The following INPP4A variants were observed in gnomAD, a reference collection of about 807,000 sequenced individuals.
The protein encoded by INPP4A is inositol polyphosphate-4-phosphatase, type I, 107kD.
In INPP4A, 33 loss-of-function variants were observed where a neutral mutation model predicts 119.8. The observed-to-expected ratio is 0.28, with a 90% CI of 0.21 to 0.37. INPP4A has a LOEUF of 0.37. Among genes scored for constraint, INPP4A ranks in the 10% least tolerant of loss-of-function variants. The pLI is 1.00. For missense variants in INPP4A, 956 were observed against 1,289.9 expected (o/e 0.74, Z 3.97); for synonymous variants, 496 against 500.7 (o/e 0.99, Z 0.12).
At chr2:98,504,966 A>G (rs757698283) in intron 1 of INPP4A, among the ~76,000 whole-genome samples, 7 of 152,202 alleles carry the variant, frequency 4.6e-5, no homozygotes, top group Admixed American at 6.6e-5. Flanking sequence ...TGGCCTTGAC[A>G]TTCTGCATCA....
intron 7 of INPP4A, among the ~76,000 whole-genome samples, chr2:98,536,458 C>T (rs1005834741): frequency 2.0e-5 from 3 of 152,202 alleles, no homozygotes; most frequent in East Asian, 3.8e-4. Context: ...AGATACATAT[C>T]TAGTAATACT....
At chr2:98,460,294 A>G (rs2104619777) in intron 1 of INPP4A, among the ~76,000 whole-genome samples, 1 of 152,210 alleles carries the variant, frequency 6.6e-6, no homozygotes, top group South Asian at 2.1e-4. Flanking sequence ...ACAGGGCCTC[A>G]GGGAAGGGTG....
intron 4 of INPP4A, among the ~76,000 whole-genome samples, chr2:98,530,226 T>C (rs1394376388): frequency 6.6e-6 from 1 of 151,210 alleles, no homozygotes. Flanking sequence ...CTGAACTACC[T>C]GGTCCATGCT....
intron 1 of INPP4A, among the ~76,000 whole-genome samples, chr2:98,465,115 TG>T (rs1674475408): frequency 1.3e-5 from 2 of 152,258 alleles, no homozygotes; most frequent in Non-Finnish European, 2.9e-5. Flanking sequence ...CTGTGGTTGC[TG>T]TAACAAACTC....
At chr2:98,565,800 G>A (rs1696328289) in intron 20 of INPP4A, 34 bp downstream of exon 20, 1 of 1,597,716 alleles carries the variant, frequency 6.3e-7, no homozygotes, top group South Asian at 1.1e-5. Context: ...CTGAGCCAGA[G>A]AGCGGTTTTC....
At chr2:98,461,090 A>G (rs2104635630) in intron 1 of INPP4A, among the ~76,000 whole-genome samples, 1 of 152,282 alleles carries the variant, frequency 6.6e-6, no homozygotes, top group Middle Eastern at 3.4e-3. Context: ...CAGTGGGTGC[A>G]GTGCAAAAAG....
chr2:98,473,551 T>C (rs1258264817), intron 1 of INPP4A, among the ~76,000 whole-genome samples: 2 of 152,076 alleles, frequency 1.3e-5, no homozygotes, highest in African/African-American at 4.8e-5. Flanking sequence ...CACCGTGTGG[T>C]GGGCCACCTG....
intron 1 of INPP4A, among the ~76,000 whole-genome samples, chr2:98,509,819 C>T (rs1684793155): frequency 6.6e-6 from 1 of 152,200 alleles, no homozygotes; most frequent in Non-Finnish European, 1.5e-5. Context: ...TACAGAAAAT[C>T]CCCTGAACGT....
intron 21 of INPP4A, among the ~76,000 whole-genome samples, chr2:98,567,834 G>A (rs1438827977): frequency 2.0e-5 from 3 of 152,198 alleles, no homozygotes; most frequent in African/African-American, 7.2e-5. Flanking sequence ...GACACCAGGG[G>A]TGGATGGGCT....
At chr2:98,561,021 T>C (rs1356734215) in intron 17 of INPP4A, among the ~76,000 whole-genome samples, 1 of 152,226 alleles carries the variant, frequency 6.6e-6, no homozygotes, top group Non-Finnish European at 1.5e-5. Context: ...CAAGGAGTTC[T>C]TTTGGCTTTT....
At chr2:98,491,815 A>T (rs1035656491) in intron 1 of INPP4A, among the ~76,000 whole-genome samples, 8 of 152,216 alleles carry the variant, frequency 5.3e-5, no homozygotes, top group Admixed American at 4.6e-4. Flanking sequence ...TCAGGGAAGA[A>T]TATACAGATG....
In INPP4A at chr2:98,563,441, A is replaced by T. The variant is rs759170356; in HGVS notation, c.1856-24A>T. The T allele has an allele frequency of 1.6e-5, 26 of 1,604,616 alleles. 2 individuals are homozygous for T. In the South Asian group the frequency reaches 2.9e-4, roughly 18 times the overall value. On this transcript the variant is annotated intron_variant, in intron 17 of 24. Transcript: ENST00000409851. ...TTCTTAAAATCTCTCTCTCATTGTG[A>T]TGACCCCTTCGCTTGTGCCCCAGGT...
chr2:98,580,992 T>A (rs1269362830), intron 24 of INPP4A, among the ~76,000 whole-genome samples: 1 of 152,240 alleles, frequency 6.6e-6, no homozygotes, highest in Non-Finnish European at 1.5e-5. Flanking sequence ...CTGCCACTGC[T>A]GAGCCTGGAA....
In INPP4A at chr2:98,554,582, A is replaced by C; in HGVS notation, c.1566+93A>C. The C allele has an allele frequency of 9.2e-7, 1 of 1,089,290 alleles. No homozygotes were observed. The highest frequency in any genetic ancestry group is 2.6e-5 in the East Asian group (1 of 38,720). 67.5% of individuals were successfully genotyped at this position (1,089,290 alleles called of 1,614,324 possible). ...AGTCTCTGCCCCTCTGAAGTGCCTCAAGGTTCAACTGCTGTGAACAAGCTC... is the reference window on the plus strand; with the variant it reads ...AGTCTCTGCCCCTCTGAAGTGCCTCCAGGTTCAACTGCTGTGAACAAGCTC... On this transcript the variant is annotated intron_variant, in intron 15 of 24. Transcript: ENST00000409851. This position sits in a 1 kb window ranked among gnomAD's most constrained non-coding sequence, Gnocchi z 4.7.
At chr2:98,559,525 G>GTTCA in intron 17 of INPP4A, 30 bp downstream of exon 17, 1 of 1,610,082 alleles carries the variant, frequency 6.2e-7, no homozygotes, top group Non-Finnish European at 8.5e-7. Context: ...GGCTCCTGCT[G>GTTCA]ATGCCCTTTT....
At chr2:98,504,708 A>G (rs1488684598) in intron 1 of INPP4A, among the ~76,000 whole-genome samples, 1 of 152,224 alleles carries the variant, frequency 6.6e-6, no homozygotes, top group African/African-American at 2.4e-5. Flanking sequence ...CGTGAAGCCA[A>G]TTTTGACACT....
chr2:98,557,846 C>T (rs755759993), intron 16 of INPP4A, among the ~76,000 whole-genome samples: 38 of 152,214 alleles, frequency 2.5e-4, no homozygotes, highest in Admixed American at 5.9e-4. Flanking sequence ...AAAAGTCTCC[C>T]ATCCCCCTCC....
rs1242381753 is a variant in INPP4A at position 98,594,087 on chromosome 2, CTGAAA to C, written c.*6481_*6485del. On this transcript the variant is annotated 3_prime_UTR_variant, in exon 25 of 25. Coordinates refer to ENST00000409851, the MANE Select transcript of INPP4A (RefSeq NM_001134225.2). ...CAAATGGTGGTTTTGTGGTGTTCAA[CTGAAA>C]TATTTCCTATTTCAGCACTGGACCA... The C allele has an allele frequency of 6.6e-6, 1 of 152,232 alleles. No individual in the cohort carries two copies. The highest frequency in any genetic ancestry group is 1.5e-5 in the Non-Finnish European group (1 of 68,042). The allele number at this position is 152,232 out of a possible 1,614,324, so 9.4% of individuals were successfully genotyped here.
intron 1 of INPP4A, among the ~76,000 whole-genome samples, chr2:98,445,778 A>G (rs1694083256): frequency 6.6e-6 from 1 of 152,158 alleles, no homozygotes; most frequent in African/African-American, 2.4e-5. Flanking sequence ...GCCCTCTGAC[A>G]TTACATAATG....
Sources: allele counts gnomAD v4.1 joint callset (sites outside exome capture counted in the v4.1 genomes callset), GRCh38; gene constraint gnomAD v4.1.1; non-coding constraint Gnocchi (gnomAD v3.1); transcripts MANE v1.5; gene names NCBI Gene and HGNC (gene_info 2026-07-23, HGNC 2026-07-21).